The following VANGL1 variants were observed in gnomAD, a reference collection of about 807,000 sequenced individuals.
VANGL1 encodes VANGL planar cell polarity protein 1.
In VANGL1, 18 loss-of-function variants were observed where a neutral mutation model predicts 48.4. The observed-to-expected ratio is 0.37, with a 90% confidence interval of 0.26 to 0.55. VANGL1 has a LOEUF of 0.55. VANGL1 is among the 20% of genes least tolerant of loss of function. The pLI is 0.81. For synonymous variants in VANGL1, 257 were observed against 261.8 expected (o/e 0.98, Z 0.18); for missense variants, 667 against 675.8 (o/e 0.99, Z 0.14).
At chr1:115,656,339 A>T (rs1422835405) in intron 2 of VANGL1, among the ~76,000 whole-genome samples, 1 of 152,232 alleles carries the variant, frequency 6.6e-6, no homozygotes, top group Non-Finnish European at 1.5e-5. Context: ...CAAACTTCCA[A>T]GCAGTCACTC....
In VANGL1 at chr1:115,684,987, A is replaced by G. The variant is rs371243201; in HGVS notation, c.1080-306A>G. ...TTTTCATCTAACCATTGCAGAGATG[A>G]AAAAAGGACTAGTGCATTTCCCAAG... On this transcript the variant is annotated intron_variant, in intron 6 of 7. Coordinates refer to ENST00000355485, the MANE Select transcript of VANGL1 (RefSeq NM_138959.3). Among the ~76,000 whole-genome samples, 4 of 152,312 alleles carry G rather than the reference A, an allele frequency of 2.6e-5. No homozygotes were observed. In the East Asian group the frequency reaches 7.7e-4, roughly 29 times the overall value.
chr1:115,689,678 C>T (rs1466276649), intron 7 of VANGL1, among the ~76,000 whole-genome samples: 4 of 135,468 alleles, frequency 3.0e-5, no homozygotes, highest in African/African-American at 1.1e-4. Context: ...TGTTCTTCGC[C>T]AGGTGCAGTG....
intron 3 of VANGL1, among the ~76,000 whole-genome samples, chr1:115,662,400 G>A (rs7540389): frequency 0.34 from 52,394 of 152,054 alleles, 9,220 homozygotes; most frequent in East Asian, 0.53. Context: ...TTCAGAGGCA[G>A]AAACCTCTTT....
At chr1:115,649,076 A>G (rs1440478744) in intron 1 of VANGL1, among the ~76,000 whole-genome samples, 2 of 152,170 alleles carry the variant, frequency 1.3e-5, no homozygotes, top group East Asian at 1.9e-4. Context: ...GTTATGAAGC[A>G]GGTGAGAAAA....
intron 3 of VANGL1, among the ~76,000 whole-genome samples, chr1:115,662,640 G>A (rs572512470): frequency 2.8e-4 from 43 of 152,260 alleles, no homozygotes; most frequent in South Asian, 4.2e-4. Flanking sequence ...TTAGTTCCTC[G>A]TGAAAACATG....
Position 115,691,190 on chromosome 1 carries a change from G to T in VANGL1, c.1386G>T (p.Gln462His), listed in dbSNP as rs1203741101. The T allele has an allele frequency of 5.0e-6, 8 of 1,614,028 alleles. No homozygotes were observed. The highest frequency in any genetic ancestry group is 6.8e-6 in the Non-Finnish European group (8 of 1,179,940). Reference sequence around the variant, plus strand: ...ACAAGGACCGCTGGCTCTCTACACAGTGGAGGCTTGTCAGTGATGAGGCTG... The same window carrying T: ...ACAAGGACCGCTGGCTCTCTACACATTGGAGGCTTGTCAGTGATGAGGCTG... ...QYDKDRWLST[Q>H]WRLVSDEAVT... is the part of the protein sequence containing the mutation. Residue 462 changes from glutamine (Q) to histidine (H), a missense_variant, in exon 8 of 8, where the codon CAG (glutamine) becomes CAT (histidine). Gln to His is a conservative substitution (Grantham distance 24, BLOSUM62 0). Coordinates refer to ENST00000355485, the MANE Select transcript of VANGL1 (RefSeq NM_138959.3).
Position 115,663,939 on chromosome 1 carries a change from C to G in VANGL1, c.483C>G (p.Leu161=). Residue 161 remains leucine (L), a synonymous_variant, in exon 4 of 8, where the codon CTC becomes CTG. Coordinates refer to ENST00000355485, the MANE Select transcript of VANGL1 (RefSeq NM_138959.3). The stretch of plus-strand genomic sequence containing the variant: ...TTATCTCCATGGCATTCAAACTCCT[C>G]ATTCTGCTCATAGGGACCTGGGCAC... ...GLFISMAFKL[L]ILLIGTWALF... 1 of 1,614,222 alleles carries G rather than the reference C, an allele frequency of 6.2e-7. No homozygotes were observed. The highest frequency in any genetic ancestry group is 8.5e-7 in the Non-Finnish European group (1 of 1,180,036).
At chr1:115,675,030 G>A (rs1226888643) in intron 4 of VANGL1, among the ~76,000 whole-genome samples, 2 of 152,028 alleles carry the variant, frequency 1.3e-5, no homozygotes, top group Non-Finnish European at 2.9e-5. Context: ...AATGGGGGTG[G>A]TTTATGGTCA....
chr1:115,658,123 G>A (rs576136487), intron 2 of VANGL1, among the ~76,000 whole-genome samples: 137 of 152,184 alleles, frequency 9.0e-4, no homozygotes, highest in Non-Finnish European at 1.7e-3. Flanking sequence ...GTGATTATAA[G>A]TTATGCTGTA....
rs756977427 is a variant in VANGL1 at position 115,659,780 on chromosome 1, A to G, written c.204+7A>G. 6.2e-7 allele frequency: 1 copy of G among 1,614,104 alleles called. No homozygotes were observed. The highest frequency in any genetic ancestry group is 8.5e-7 in the Non-Finnish European group (1 of 1,180,014). ...TCGGACAGAGGAAGTTCAGGTAAGG[A>G]TCAAAGGTGGTCTGTAAGCACACTG... On this transcript the variant is annotated splice_region_variant and intron_variant, in intron 3 of 7. Coordinates refer to ENST00000355485, the MANE Select transcript of VANGL1 (RefSeq NM_138959.3).
At chr1:115,656,081 G>A (rs940107400) in intron 2 of VANGL1, among the ~76,000 whole-genome samples, 2 of 152,166 alleles carry the variant, frequency 1.3e-5, no homozygotes, top group African/African-American at 4.8e-5. Context: ...AGTACCTGGC[G>A]CAGTGCTAGT....
intron 1 of VANGL1, among the ~76,000 whole-genome samples, chr1:115,644,161 T>C (rs914354678): frequency 6.6e-6 from 1 of 152,206 alleles, no homozygotes; most frequent in Non-Finnish European, 1.5e-5. Context: ...TGCTGTCAAT[T>C]TTCTGTAGCT....
At chr1:115,681,042 T>C (rs1653366311) in intron 4 of VANGL1, among the ~76,000 whole-genome samples, 1 of 152,232 alleles carries the variant, frequency 6.6e-6, no homozygotes, top group South Asian at 2.1e-4. Flanking sequence ...AAGCCCAACT[T>C]GGAGGTTTGT....
At chr1:115,660,524 T>C (rs1652507659) in intron 3 of VANGL1, among the ~76,000 whole-genome samples, 3 of 152,152 alleles carry the variant, frequency 2.0e-5, no homozygotes, top group Admixed American at 2.0e-4. Context: ...AACCATTGAG[T>C]GGGTTCTTCT....
At chr1:115,677,970 C>T (rs1653229965) in intron 4 of VANGL1, among the ~76,000 whole-genome samples, 1 of 152,162 alleles carries the variant, frequency 6.6e-6, no homozygotes, top group African/African-American at 2.4e-5. Context: ...CTTTTTGCCT[C>T]TGAAATTCCA....
chr1:115,651,509 C>A, intron 2 of VANGL1, 25 bp downstream of exon 2: 1 of 1,607,586 alleles, frequency 6.2e-7, no homozygotes, highest in Non-Finnish European at 8.5e-7. Context: ...CATTATTACA[C>A]TTTTCCTTTT....
chr1:115,651,322 C>T lies in VANGL1; in HGVS notation c.-92C>T. The T allele has an allele frequency of 1.8e-6, 2 of 1,098,792 alleles. No homozygotes were observed. The highest frequency in any genetic ancestry group is 1.4e-6 in the Non-Finnish European group (1 of 730,654). The allele number at this position is 1,098,792 out of a possible 1,614,324, so 68.1% of individuals were successfully genotyped here. A position where few individuals can be genotyped will look rare whatever the true frequency, so the allele number is the denominator to read the frequency against. ...TGGCTCCTCTTCTAATTTCCAGACT[C>T]CTTGAGGTTTTAGGAGTCTGGTAGG... On this transcript the variant is annotated 5_prime_UTR_variant, in exon 2 of 8. Coordinates refer to ENST00000355485, the MANE Select transcript of VANGL1 (RefSeq NM_138959.3).
intron 3 of VANGL1, among the ~76,000 whole-genome samples, 190 bp from the exon 4 acceptor site, chr1:115,663,471 A>G (rs748201662): frequency 6.6e-6 from 1 of 152,260 alleles, no homozygotes; most frequent in Non-Finnish European, 1.5e-5. Flanking sequence ...AATACCTCAT[A>G]CATTTTGAAA....
rs1653684701 is a variant in VANGL1 at position 115,687,779 on chromosome 1, G to C, written c.1314+2252G>C. On this transcript the variant is annotated intron_variant, in intron 7 of 7. Transcript: ENST00000355485. Reference sequence around the variant, plus strand: ...CCACAGGCACACGCCACCATGCCTGGCAATTTTTGTATTTTTGTATTTTTT... The same window carrying C: ...CCACAGGCACACGCCACCATGCCTGCCAATTTTTGTATTTTTGTATTTTTT... Among the ~76,000 whole-genome samples, 4 of 129,154 alleles carry C rather than the reference G, an allele frequency of 3.1e-5. 1 individual carries two copies. Among genetic ancestry groups the C allele is most frequent in the African/African-American group, 1.2e-4 (4 of 33,932 alleles). 84.7% of individuals were successfully genotyped at this position (129,154 alleles called of 152,430 possible).
Sources: allele counts gnomAD v4.1 joint callset (sites outside exome capture counted in the v4.1 genomes callset), GRCh38; gene constraint gnomAD v4.1.1; transcripts MANE v1.5; gene names NCBI Gene and HGNC (gene_info 2026-07-23, HGNC 2026-07-21).